The following C6 variants were observed in gnomAD, a reference collection of about 807,000 sequenced individuals.
The protein encoded by C6 is complement component C6.
C6 carries 101 observed loss-of-function variants against 112.9 expected under a neutral mutation model. The ratio of observed to expected loss-of-function variants is 0.89; its 90% confidence interval spans 0.76 to 1.06. C6 has a LOEUF of 1.06. C6 is among the 50% of genes least tolerant of loss of function. The pLI, the probability that C6 is intolerant of heterozygous loss-of-function variation, is 0.00. For missense variants in C6, 1,202 were observed against 1,104.6 expected, an observed-to-expected ratio of 1.09 and a Z score of -1.25; for synonymous variants, 431 against 384.1, an observed-to-expected ratio of 1.12 and a Z score of -1.43.
intron 5 of C6, among the ~76,000 whole-genome samples, chr5:41,193,950 C>T (rs1750416362): frequency 1.3e-5 from 2 of 152,010 alleles, no homozygotes; most frequent in Admixed American, 1.3e-4. Context: ...TTGTCCCGAG[C>T]CGGCAGGCTT....
At chr5:41,203,567 T>TGATCCGGCG in intron 1 of C6, 1 of 349,930 alleles carries the variant, frequency 2.9e-6, no homozygotes. Flanking sequence ...TTTAGATTTA[T>TGATCCGGCG]ACAGTCTTAC....
chr5:41,172,558 G>A (rs927680386), intron 8 of C6: 10 of 602,280 alleles, frequency 1.7e-5, no homozygotes, highest in South Asian at 1.5e-4. Flanking sequence ...CAGGAGTCCC[G>A]TGAGTGCCCA....
chr5:41,212,169 T>C (rs547702737), intron 1 of C6, among the ~76,000 whole-genome samples: 2 of 152,304 alleles, frequency 1.3e-5, no homozygotes, highest in African/African-American at 4.8e-5. Flanking sequence ...TTTTTATTTA[T>C]TTATTTTTTT....
Position 41,159,448 on chromosome 5 carries a change from T to C in C6, c.1685-195A>G, listed in dbSNP as rs972711441. The C allele has an allele frequency of 2.0e-5, 20 of 985,074 alleles. No individual in the cohort carries two copies. The African/African-American group carries it at 3.1e-4, about 15-fold the overall frequency. 61.0% of individuals were successfully genotyped at this position (985,074 alleles called of 1,614,324 possible). A position where few individuals can be genotyped will look rare whatever the true frequency, so the allele number is the denominator to read the frequency against. On this transcript the variant is annotated intron_variant, in intron 11 of 17. Transcript: ENST00000337836. The stretch of plus-strand genomic sequence containing the variant: ...TTGCCTGATTTCCTTTTAGACTTTG[T>C]TCCCATAAGCCTAAATAAAATGGCA...
intron 1 of C6, among the ~76,000 whole-genome samples, chr5:41,250,453 C>A (rs1190566647): frequency 2.0e-5 from 3 of 152,084 alleles, no homozygotes; most frequent in African/African-American, 4.8e-5. Context: ...ATATTTTAGA[C>A]CCTGGGATGA....
intron 6 of C6, among the ~76,000 whole-genome samples, chr5:41,185,022 C>A (rs766849779): frequency 2.8e-4 from 42 of 152,072 alleles, no homozygotes; most frequent in Non-Finnish European, 1.3e-4. Context: ...GTGAAATGAC[C>A]ATATTTTGAA....
chr5:41,176,452 G>A, intron 8 of C6, 23 bp downstream of exon 8: 1 of 1,611,334 alleles, frequency 6.2e-7, no homozygotes, highest in Non-Finnish European at 8.5e-7. Context: ...CAGTTAAAAA[G>A]AGTGAGGACT....
intron 1 of C6, among the ~76,000 whole-genome samples, chr5:41,231,423 A>G (rs1739892386): frequency 6.6e-6 from 1 of 152,168 alleles, no homozygotes; most frequent in South Asian, 2.1e-4. Context: ...TTAAAGTTAC[A>G]GAATTCATCT....
chr5:41,224,182 C>T lies in C6; in HGVS notation c.-20-20932G>A, dbSNP rs73753138. On this transcript the variant is annotated intron_variant, in intron 1 of 17. Coordinates refer to the C6 transcript ENST00000263413. Reference sequence around the variant, plus strand: ...CACATACTTACCATTTTGTTTTTTGCGGTGAGAATACTAAATGTGCTGTCA... The same window carrying T: ...CACATACTTACCATTTTGTTTTTTGTGGTGAGAATACTAAATGTGCTGTCA... Among the ~76,000 whole-genome samples the T allele has an allele frequency of 6.0e-3, 909 of 152,096 alleles. 7 individuals are homozygous for T. Among genetic ancestry groups the T allele is most frequent in the African/African-American group, 0.02 (831 of 41,512 alleles).
chr5:41,258,392 T>C (rs993126042), intron 1 of C6, among the ~76,000 whole-genome samples: 3 of 152,196 alleles, frequency 2.0e-5, no homozygotes, highest in Admixed American at 2.0e-4. Flanking sequence ...CATGATTTGG[T>C]TTAATGATTT....
chr5:41,195,268 T>C (rs1277602792), intron 5 of C6, among the ~76,000 whole-genome samples: 2 of 152,220 alleles, frequency 1.3e-5, no homozygotes, highest in Non-Finnish European at 2.9e-5. Flanking sequence ...ACTTCTTTCC[T>C]TTTGGCTTTA....
chr5:41,245,796 G>A (rs1740987661), intron 1 of C6, among the ~76,000 whole-genome samples: 1 of 152,060 alleles, frequency 6.6e-6, no homozygotes, highest in African/African-American at 2.4e-5. Context: ...CAGGTTAGTT[G>A]TCATGTATTA....
chr5:41,204,241 G>A lies in C6; in HGVS notation c.-20-991C>T, dbSNP rs111307715. ...CAGTTTCACTATCTATAAAATAAGA[G>A]TAATACCTACCTCATAAAGCTTTTG... On this transcript the variant is annotated intron_variant, in intron 1 of 17. Coordinates refer to ENST00000337836, the MANE Select transcript of C6 (RefSeq NM_000065.5). Among the ~76,000 whole-genome samples the A allele has an allele frequency of 7.9e-3, 1,198 of 152,266 alleles. 18 individuals are homozygous for A. The highest frequency in any genetic ancestry group is 0.027 in the African/African-American group (1,121 of 41,540).
At chr5:41,165,849 C>G (rs1045430359) in intron 9 of C6, among the ~76,000 whole-genome samples, 2 of 152,112 alleles carry the variant, frequency 1.3e-5, no homozygotes, top group African/African-American at 4.8e-5. Flanking sequence ...GGAGCCAACA[C>G]TTGAATATAA....
chr5:41,149,603 C>T, intron 16 of C6, 121 bp from the exon 17 acceptor site: 1 of 1,263,824 alleles, frequency 7.9e-7, no homozygotes, highest in Non-Finnish European at 1.1e-6. Flanking sequence ...CCCCACCCCA[C>T]TCCAAGCCCT....
intron 9 of C6, among the ~76,000 whole-genome samples, chr5:41,166,769 G>A (rs1392914965): frequency 6.6e-6 from 1 of 152,046 alleles, no homozygotes; most frequent in Non-Finnish European, 1.5e-5. Flanking sequence ...ATGGTAATCA[G>A]GTAAGACTTC....
At chr5:41,157,420 G>C (rs764315238) in intron 13 of C6, among the ~76,000 whole-genome samples, 20 of 152,208 alleles carry the variant, frequency 1.3e-4, no homozygotes, top group Admixed American at 6.6e-4. Flanking sequence ...GGGCCAGTAA[G>C]CTTTTCTATA....
chr5:41,202,287 C>A (rs1345774804), intron 2 of C6, among the ~76,000 whole-genome samples: 1 of 150,528 alleles, frequency 6.6e-6, no homozygotes, highest in East Asian at 1.9e-4. Flanking sequence ...GGTAGCTCTC[C>A]AGGGAGGAGC....
intron 4 of C6, among the ~76,000 whole-genome samples, chr5:41,199,536 T>C (rs2150361460): frequency 6.6e-6 from 1 of 152,314 alleles, no homozygotes; most frequent in South Asian, 2.1e-4. Context: ...TTTAAAATTA[T>C]CCTGATTATA....
Sources: gnomAD v4.1 joint callset for allele counts (sites outside exome capture counted in the v4.1 genomes callset) on GRCh38, gnomAD v4.1.1 for gene constraint, MANE v1.5 for transcripts, NCBI Gene and HGNC (gene_info 2026-07-23, HGNC 2026-07-21) for gene names.